Variants in RBFOX2 observed in about 807,000 individuals in gnomAD.
RBFOX2 encodes the protein RNA binding fox-1 homolog 2.
In RBFOX2, 10 loss-of-function variants were observed where a neutral mutation model predicts 49.1. The ratio of observed to expected loss-of-function variants is 0.20; its 90% CI spans 0.13 to 0.35. The LOEUF is 0.35. RBFOX2 is among the 10% of genes least tolerant of loss of function. The probability of loss-of-function intolerance (pLI) is 1.00; values close to 1 mark genes in which losing one functional copy is unlikely to be tolerated. For synonymous variants in RBFOX2, 183 were observed against 187.4 expected (o/e 0.98, Z 0.19); for missense variants, 323 against 486.9 (o/e 0.66, Z 3.17).
intron 1 of RBFOX2, among the ~76,000 whole-genome samples, chr22:35,846,103 TATAATTA>T (rs2041149835): frequency 6.6e-6 from 1 of 150,462 alleles, no homozygotes; most frequent in Non-Finnish European, 1.5e-5. Context: ...TGCATGTTAA[TATAATTA>T]CATAAACTAT....
intron 1 of RBFOX2, among the ~76,000 whole-genome samples, chr22:35,812,398 A>C (rs1952076760): frequency 6.6e-6 from 1 of 152,154 alleles, no homozygotes; most frequent in African/African-American, 2.4e-5. Context: ...TTTCTAGGTT[A>C]GGATAGTTTT....
chr22:35,960,375 A>T (rs1425938979), intron 1 of RBFOX2, among the ~76,000 whole-genome samples: 1 of 152,186 alleles, frequency 6.6e-6, no homozygotes, highest in Non-Finnish European at 1.5e-5. Context: ...ACTGCAGAAC[A>T]GGGGTTCAGA....
intron 1 of RBFOX2, among the ~76,000 whole-genome samples, chr22:35,881,603 A>AT (rs556228272): frequency 1.4e-5 from 2 of 147,378 alleles, no homozygotes; most frequent in Non-Finnish European, 1.5e-5. Context: ...AAAGGAAGAA[A>AT]TTTTTTTTTA....
chr22:35,918,143 T>G (rs1286859274), intron 1 of RBFOX2, among the ~76,000 whole-genome samples: 1 of 152,186 alleles, frequency 6.6e-6, no homozygotes, highest in African/African-American at 2.4e-5. Context: ...AGGGCTGACA[T>G]GCCAAAGGGC....
rs571245737 is a variant in RBFOX2 at position 35,947,047 on chromosome 22, C to T, written c.43-8150G>A. ...TCTCTACTAAAAATACAAAATTAGC[C>T]GGGTGTGGTGGTGAGCACCTGTAAT... On this transcript the variant is annotated intron_variant, in intron 1 of 5. Coordinates refer to the RBFOX2 transcript ENST00000408983. Among the ~76,000 whole-genome samples the T allele has an allele frequency of 9.9e-5, 15 of 152,168 alleles. No homozygotes were observed. In the East Asian group the frequency reaches 1.4e-3, roughly 14 times the overall value.
intron 2 of RBFOX2, among the ~76,000 whole-genome samples, chr22:35,797,002 T>C (rs2147752010): frequency 6.6e-6 from 1 of 152,140 alleles, no homozygotes; most frequent in East Asian, 1.9e-4. Flanking sequence ...ATGTAAATAC[T>C]TTCTTTCTTT....
intron 1 of RBFOX2, among the ~76,000 whole-genome samples, chr22:35,896,139 C>G (rs2047815790): frequency 6.6e-6 from 1 of 152,184 alleles, no homozygotes; most frequent in Non-Finnish European, 1.5e-5. Context: ...TCTGTGGGGA[C>G]TGGTGTTTGT....
intron 9 of RBFOX2, among the ~76,000 whole-genome samples, chr22:35,750,972 T>C (rs913201000): frequency 2.0e-5 from 3 of 152,236 alleles, no homozygotes; most frequent in African/African-American, 7.2e-5. Context: ...CATGGCTCAA[T>C]GTCATCTCCT....
upstream of RBFOX2, among the ~76,000 whole-genome samples, chr22:35,942,992 T>C (rs776791812): frequency 5.3e-5 from 8 of 152,194 alleles, no homozygotes; most frequent in Non-Finnish European, 1.0e-4. Flanking sequence ...TAAATGTCAT[T>C]TTACAGATGA....
intron 1 of RBFOX2, among the ~76,000 whole-genome samples, chr22:35,896,369 TTA>T (rs2047844864): frequency 6.6e-6 from 1 of 152,124 alleles, no homozygotes; most frequent in Admixed American, 6.6e-5. Context: ...TTCCCACTCA[TTA>T]AAGAAAACAC....
chr22:35,877,782 G>C (rs192062544), intron 1 of RBFOX2, among the ~76,000 whole-genome samples: 94 of 152,074 alleles, frequency 6.2e-4, no homozygotes, highest in African/African-American at 2.2e-3. Flanking sequence ...TGGTCCCTGC[G>C]ATGTGAGAGA....
chr22:35,875,749 C>T (rs1477927606), intron 1 of RBFOX2, among the ~76,000 whole-genome samples: 1 of 151,604 alleles, frequency 6.6e-6, no homozygotes, highest in Non-Finnish European at 1.5e-5. Context: ...CCTTTTCCAA[C>T]CTGCCTATTC....
chr22:35,899,122 A>ATAACATAACATAAC (rs2048234191), intron 1 of RBFOX2, among the ~76,000 whole-genome samples: 1 of 139,210 alleles, frequency 7.2e-6, no homozygotes, highest in Non-Finnish European at 1.5e-5. Flanking sequence ...CTGTCTCAAA[A>ATAACATAACATAAC]ATAACATAAC....
At chr22:35,940,866 A>G (rs1361265510), upstream of RBFOX2, among the ~76,000 whole-genome samples, 1 of 152,178 alleles carries the variant, frequency 6.6e-6, no homozygotes, top group African/African-American at 2.4e-5. Flanking sequence ...AAATATCAAG[A>G]ATAGGCAGAT....
chr22:36,028,484 T>TG (rs1179718252), exon 1 of RBFOX2: 1 of 1,114,780 alleles, frequency 9.0e-7, no homozygotes, highest in Non-Finnish European at 1.1e-6. Flanking sequence ...CACCTCCCCC[T>TG]GGGCCTCGGC....
rs530917188 is a variant in RBFOX2, at chr22:35,847,284, T to C, written c.-33-37280A>G. Among the ~76,000 whole-genome samples, 3 of 152,342 alleles carry C rather than the reference T, an allele frequency of 2.0e-5. No homozygotes were observed. The South Asian group carries it at 6.2e-4, about 32-fold the overall frequency. On this transcript the variant is annotated intron_variant, in intron 1 of 13. Coordinates refer to the RBFOX2 transcript ENST00000359369. ...AATGAAAGGTCAAGTACCTAAAATATTTTCGAACTTTCTGTTGAAGAGAAC... is the reference window on the plus strand; with the variant it reads ...AATGAAAGGTCAAGTACCTAAAATACTTTCGAACTTTCTGTTGAAGAGAAC...
intron 1 of RBFOX2, among the ~76,000 whole-genome samples, chr22:36,018,226 T>C (rs1273420226): frequency 6.6e-6 from 1 of 152,142 alleles, no homozygotes; most frequent in Non-Finnish European, 1.5e-5. Flanking sequence ...CAAGTATTAA[T>C]CTAAAAAGTC....
chr22:35,789,977 T>C lies in RBFOX2; in HGVS notation c.253-8231A>G, dbSNP rs1371234210. ...GATTCCTTCATTCTAAGTTGTTAGG[T>C]AAGCAATTTGTTCTTTAAGTCTTCT... On this transcript the variant is annotated intron_variant, in intron 2 of 11. Coordinates refer to ENST00000405409, the Ensembl canonical transcript of RBFOX2. 2.6e-5 allele frequency among the ~76,000 whole-genome samples: 4 copies of C among 152,302 alleles called. No homozygotes were observed. The East Asian group carries it at 7.7e-4, about 29-fold the overall frequency.
intron 1 of RBFOX2, among the ~76,000 whole-genome samples, chr22:35,831,172 G>A (rs575166537): frequency 7.2e-5 from 11 of 152,300 alleles, no homozygotes; most frequent in Middle Eastern, 3.4e-3. Flanking sequence ...GGCCAGGCAC[G>A]GTGGCTTACG....
Sources: gnomAD v4.1 joint callset for allele counts (sites outside exome capture counted in the v4.1 genomes callset) on GRCh38, gnomAD v4.1.1 for gene constraint, MANE v1.5 for transcripts, NCBI Gene and HGNC (gene_info 2026-07-23, HGNC 2026-07-21) for gene names.